SIMC1: variants seen among roughly 807,000 people sequenced by gnomAD.
The protein encoded by SIMC1 is SUMO-interacting motif-containing protein 1.
SIMC1 carries 55 observed loss-of-function variants against 82.3 expected under a neutral mutation model. The ratio of observed to expected loss-of-function variants is 0.67; its 90% CI spans 0.54 to 0.84. The LOEUF is 0.84. Among genes scored for constraint, SIMC1 ranks in the 40% least tolerant of loss-of-function variants. SIMC1 has a pLI of 0.00. For synonymous variants in SIMC1, 353 were observed against 426.3 expected (o/e 0.83, Z 2.12); for missense variants, 915 against 1,107.2 (o/e 0.83, Z 2.46).
intron 1 of SIMC1, among the ~76,000 whole-genome samples, chr5:176,284,894 AAAAC>A (rs1763193873): frequency 6.6e-6 from 1 of 152,224 alleles, no homozygotes; most frequent in South Asian, 2.1e-4. Flanking sequence ...TCCCAAGACT[AAAAC>A]AGGAAGAAGT....
intron 2 of SIMC1, 71 bp from the exon 3 acceptor site, chr5:176,294,959 C>T (rs113772037): frequency 0.15 from 214,832 of 1,432,116 alleles, 16,525 homozygotes; most frequent in Admixed American, 0.17. Context: ...AGCAAGACTC[C>T]GTCTCAAAAA....
rs1022963914 is a variant in SIMC1 at position 176,241,740 on chromosome 5, C to T, written c.129+3103C>T. ...GTTTTGTATGTTATATGGACTCTTACGATAAAGTAAGCAAGAGAAAAATGT... is the reference window on the plus strand; with the variant it reads ...GTTTTGTATGTTATATGGACTCTTATGATAAAGTAAGCAAGAGAAAAATGT... On this transcript the variant is annotated intron_variant, in intron 1 of 9. Coordinates refer to ENST00000429602, the MANE Select transcript of SIMC1 (RefSeq NM_001308195.2). Among the ~76,000 whole-genome samples, 7 of 151,064 alleles carry T rather than the reference C, an allele frequency of 4.6e-5. No individual in the cohort carries two copies. In the East Asian group the frequency reaches 7.8e-4, roughly 17 times the overall value.
intron 5 of SIMC1, among the ~76,000 whole-genome samples, chr5:176,316,380 T>G (rs1297406114): frequency 6.6e-6 from 1 of 151,166 alleles, no homozygotes; most frequent in Non-Finnish European, 1.5e-5. Flanking sequence ...AAGATAGGCA[T>G]TTAAGGCTGG....
At chr5:176,312,626 A>G (rs1183181098) in intron 4 of SIMC1, among the ~76,000 whole-genome samples, 2 of 152,168 alleles carry the variant, frequency 1.3e-5, no homozygotes, top group Admixed American at 6.5e-5. Context: ...AGAGAAAAAT[A>G]AACACCTTTG....
intron 1 of SIMC1, among the ~76,000 whole-genome samples, chr5:176,262,234 C>T (rs1762038341): frequency 6.7e-6 from 1 of 149,340 alleles, no homozygotes; most frequent in Non-Finnish European, 1.5e-5. Context: ...ATCACATGAT[C>T]CCTTCAATAG....
At chr5:176,323,810 C>A (rs1022978433) in intron 6 of SIMC1, among the ~76,000 whole-genome samples, 1 of 151,866 alleles carries the variant, frequency 6.6e-6, no homozygotes, top group Admixed American at 6.6e-5. Context: ...CACGGTGAAA[C>A]CCCGTCTCTA....
At chr5:176,243,520 CTT>C (rs3084814) in intron 1 of SIMC1, among the ~76,000 whole-genome samples, 9 of 144,682 alleles carry the variant, frequency 6.2e-5, no homozygotes, top group Admixed American at 6.9e-5. Flanking sequence ...ATTTGATTTA[CTT>C]TTTTTTTTTT....
intron 1 of SIMC1, among the ~76,000 whole-genome samples, chr5:176,246,448 G>GT (rs1554104447): frequency 2.2e-5 from 3 of 134,956 alleles, no homozygotes; most frequent in East Asian, 4.4e-4. Context: ...GTGTGTGTGT[G>GT]TTGTTTGTTT....
intron 1 of SIMC1, among the ~76,000 whole-genome samples, chr5:176,265,744 A>G (rs964821962): frequency 6.6e-6 from 1 of 152,316 alleles, no homozygotes; most frequent in South Asian, 2.1e-4. Context: ...AATTGGAGCA[A>G]TATGTGATGG....
chr5:176,259,775 AAATAAT>A (rs530138890), intron 1 of SIMC1, among the ~76,000 whole-genome samples: 6 of 151,376 alleles, frequency 4.0e-5, no homozygotes, highest in Non-Finnish European at 5.9e-5. Context: ...TCTATCTCAA[AAATAAT>A]AATAATCATA....
In SIMC1 at chr5:176,328,527, G is replaced by C. The variant is rs147859580; in HGVS notation, c.2171+3770G>C. Among the ~76,000 whole-genome samples, 118 of 151,958 alleles carry C rather than the reference G, an allele frequency of 7.8e-4. 1 individual carries two copies. Among genetic ancestry groups the C allele is most frequent in the Non-Finnish European group, 7.5e-4 (51 of 67,994 alleles). ...AGTCATGTTAACCCATTTATGCCTGGGGTTCAACATTTTTTGTGTGAAAAA... is the reference window on the plus strand; with the variant it reads ...AGTCATGTTAACCCATTTATGCCTGCGGTTCAACATTTTTTGTGTGAAAAA... On this transcript the variant is annotated intron_variant, in intron 7 of 9. Transcript: ENST00000429602.
intron 9 of SIMC1, among the ~76,000 whole-genome samples, chr5:176,343,323 A>G (rs1305603505): frequency 6.6e-6 from 1 of 152,122 alleles, no homozygotes; most frequent in African/African-American, 2.4e-5. Context: ...AAATGAGGAG[A>G]CTGAGAAATG....
At position 176,242,126 on chromosome 5, in the gene SIMC1, G is replaced by C. The variant is rs1761296370; in HGVS notation, c.129+3489G>C. Among the ~76,000 whole-genome samples the C allele has an allele frequency of 2.6e-5, 4 of 152,230 alleles. No homozygotes were observed. The South Asian group carries it at 8.3e-4, about 32-fold the overall frequency. On this transcript the variant is annotated intron_variant, in intron 1 of 9. Transcript: ENST00000429602. ...TGGGAAGTAGTGCAGAAATTGATTA[G>C]TGTCACGTGGCGTTTTAAGTGGATC...
chr5:176,261,334 A>T (rs895838420), intron 1 of SIMC1, among the ~76,000 whole-genome samples: 5 of 152,192 alleles, frequency 3.3e-5, no homozygotes, highest in African/African-American at 4.8e-5. Context: ...TGAAGTTATG[A>T]ATCATCTTAT....
chr5:176,251,719 G>A (rs1180805092), intron 1 of SIMC1, among the ~76,000 whole-genome samples: 2 of 151,672 alleles, frequency 1.3e-5, no homozygotes, highest in Non-Finnish European at 2.9e-5. Context: ...CTAGGCAGAG[G>A]ACCCTGTGGC....
intron 4 of SIMC1, among the ~76,000 whole-genome samples, chr5:176,298,725 T>C (rs1455963901): frequency 6.6e-6 from 1 of 152,248 alleles, no homozygotes; most frequent in Admixed American, 6.5e-5. Flanking sequence ...TAGAGGTTTT[T>C]GTATGCAACT....
chr5:176,274,935 G>C (rs1561684503), intron 1 of SIMC1, among the ~76,000 whole-genome samples: 1 of 151,834 alleles, frequency 6.6e-6, no homozygotes, highest in Non-Finnish European at 1.5e-5. Context: ...TGTTCTTTTG[G>C]CTTAGGATTG....
At chr5:176,265,835 TTAAA>T (rs1762188450) in intron 1 of SIMC1, among the ~76,000 whole-genome samples, 1 of 151,862 alleles carries the variant, frequency 6.6e-6, no homozygotes, top group African/African-American at 2.4e-5. Flanking sequence ...TATTATTAGA[TTAAA>T]TTTATTTATT....
intron 2 of SIMC1, among the ~76,000 whole-genome samples, chr5:176,291,250 G>T (rs1763551395): frequency 7.5e-6 from 1 of 133,696 alleles, no homozygotes; most frequent in African/African-American, 2.8e-5. Context: ...TGCAACCTCC[G>T]CCTCCCAGGT....
Sources: gnomAD v4.1 joint callset for allele counts (sites outside exome capture counted in the v4.1 genomes callset) on GRCh38, gnomAD v4.1.1 for gene constraint, MANE v1.5 for transcripts, NCBI Gene and HGNC (gene_info 2026-07-23, HGNC 2026-07-21) for gene names.